Variants in OTUD7A observed in about 807,000 individuals in gnomAD.
OTUD7A encodes OTU domain-containing protein 7A.
Under a neutral mutation model 65.7 loss-of-function variants are expected in OTUD7A, and 12 were observed. The observed-to-expected ratio is 0.18, with a 90% CI of 0.12 to 0.30. The LOEUF is 0.30. OTUD7A is among the 10% of genes least tolerant of loss of function. OTUD7A has a pLI of 1.00. For missense variants in OTUD7A, 1,148 were observed against 1,304.8 expected (o/e 0.88, Z 1.85); for synonymous variants, 641 against 586.3 (o/e 1.09, Z -1.35).
chr15:31,676,857 A>G lies in OTUD7A; in HGVS notation c.-99-19780T>C, dbSNP rs527890268. On this transcript the variant is annotated intron_variant, in intron 1 of 12. Coordinates refer to ENST00000307050, the MANE Select transcript of OTUD7A (RefSeq NM_001382637.1). ...ATTCCCTACATCATATCACTGACCAACAAATTCCACAGGAATTAAATACAC... is the reference window on the plus strand; with the variant it reads ...ATTCCCTACATCATATCACTGACCAGCAAATTCCACAGGAATTAAATACAC... 2.6e-5 allele frequency among the ~76,000 whole-genome samples: 4 copies of G among 152,388 alleles called. No homozygotes were observed. The East Asian group carries it at 7.7e-4, about 29-fold the overall frequency.
At chr15:31,787,386 A>G (rs1241717361) in intron 1 of OTUD7A, 2 of 152,228 alleles carry the variant, frequency 1.3e-5, no homozygotes, top group Non-Finnish European at 2.9e-5. Context: ...GGAGCTAATC[A>G]GCTACGAAAA....
At chr15:31,507,641 C>T (rs140070811) in intron 8 of OTUD7A, among the ~76,000 whole-genome samples, 1 of 12,184 alleles carries the variant, frequency 8.2e-5, no homozygotes, top group Admixed American at 9.7e-4. Flanking sequence ...GGCTGGGGGG[C>T]GGGGGTGGCA....
intron 1 of OTUD7A, among the ~76,000 whole-genome samples, chr15:31,802,956 C>T (rs1896174975): frequency 6.6e-6 from 1 of 152,156 alleles, no homozygotes. Flanking sequence ...CTGAATTCAC[C>T]CAGTCAGGAG....
intron 1 of OTUD7A, among the ~76,000 whole-genome samples, chr15:31,819,735 A>G (rs1243384327): frequency 2.0e-5 from 3 of 151,946 alleles, no homozygotes; most frequent in African/African-American, 7.3e-5. Flanking sequence ...CAGGTAACAT[A>G]AACTAAATAT....
At chr15:31,690,834 G>T (rs116712932) in intron 1 of OTUD7A, among the ~76,000 whole-genome samples, 221 of 152,302 alleles carry the variant, frequency 1.5e-3, no homozygotes, top group African/African-American at 5.1e-3. Flanking sequence ...ACTCATACAG[G>T]AAAATACAGA....
chr15:31,804,646 T>G (rs1405433830), intron 1 of OTUD7A, among the ~76,000 whole-genome samples: 4 of 151,844 alleles, frequency 2.6e-5, no homozygotes, highest in Admixed American at 1.3e-4. Context: ...TGGGGAGGGG[T>G]GGGGCAGGGA....
intron 1 of OTUD7A, among the ~76,000 whole-genome samples, chr15:31,809,227 A>T (rs7174685): frequency 6.6e-6 from 1 of 152,192 alleles, no homozygotes; most frequent in Non-Finnish European, 1.5e-5. Flanking sequence ...CTGTAATAGA[A>T]TCTGGTATCC....
chr15:31,785,526 A>G (rs949784701), intron 1 of OTUD7A, among the ~76,000 whole-genome samples: 1 of 152,096 alleles, frequency 6.6e-6, no homozygotes, highest in Non-Finnish European at 1.5e-5. Flanking sequence ...ACCTTCTCTC[A>G]TTACTGTAGT....
At chr15:31,801,542 T>A (rs1355522473) in intron 1 of OTUD7A, among the ~76,000 whole-genome samples, 2 of 152,238 alleles carry the variant, frequency 1.3e-5, no homozygotes, top group African/African-American at 4.8e-5. Context: ...TCAAAATGCA[T>A]AAAATTGCAT....
At chr15:31,497,109 CCTTAAGTGGGA>C in intron 10 of OTUD7A, among the ~76,000 whole-genome samples, 1 of 152,276 alleles carries the variant, frequency 6.6e-6, no homozygotes, top group South Asian at 2.1e-4. Flanking sequence ...TCTCTAGGTT[CCTTAAGTGGGA>C]CCCTTGGGGG....
intron 3 of OTUD7A, among the ~76,000 whole-genome samples, chr15:31,616,326 G>A (rs960043650): frequency 1.3e-5 from 2 of 152,190 alleles, no homozygotes; most frequent in African/African-American, 4.8e-5. Flanking sequence ...CTTGTCTGGT[G>A]TGTGCGCTTG....
Position 31,483,256 on chromosome 15 carries a change from G to C in OTUD7A, c.*38C>G. 9.4e-7 allele frequency: 1 copy of C among 1,069,308 alleles called. No homozygotes were observed. The highest frequency in any genetic ancestry group is 1.1e-6 in the Non-Finnish European group (1 of 885,756). 66.2% of individuals were successfully genotyped at this position (1,069,308 alleles called of 1,614,324 possible). On this transcript the variant is annotated 3_prime_UTR_variant, in exon 13 of 13. Transcript: ENST00000307050. ...CCGACACAATGGAAAAGAAATCCTC[G>C]AAGGTAGAACCTCGCCGCCCGCGCC... is the stretch of plus-strand genomic sequence containing the variant.
In OTUD7A at chr15:31,805,463, C is replaced by T. The variant is rs78835885; in HGVS notation, c.-100+65044G>A. 3.7e-3 allele frequency among the ~76,000 whole-genome samples: 563 copies of T among 152,350 alleles called. 7 individuals are homozygous for T. The highest frequency in any genetic ancestry group is 0.013 in the African/African-American group (530 of 41,586). ...AGGAAGGGCCTGACGCGTGAACCCT[C>T]TCTTCTATCCACCCCAAAAGATAAC... is the stretch of plus-strand genomic sequence containing the variant. On this transcript the variant is annotated intron_variant, in intron 1 of 12. Coordinates refer to ENST00000307050, the MANE Select transcript of OTUD7A (RefSeq NM_001382637.1).
chr15:31,676,539 T>C (rs1595702470), intron 1 of OTUD7A, among the ~76,000 whole-genome samples: 2 of 152,236 alleles, frequency 1.3e-5, no homozygotes, highest in South Asian at 2.1e-4. Context: ...ATAGAATCCT[T>C]CCACCTTGAA....
chr15:31,611,626 C>A (rs1450827375), intron 3 of OTUD7A, among the ~76,000 whole-genome samples: 2 of 152,010 alleles, frequency 1.3e-5, no homozygotes, highest in Non-Finnish European at 2.9e-5. Flanking sequence ...ATACCCTGAA[C>A]AGACCAATAA....
chr15:31,547,278 C>T (rs540222940), intron 5 of OTUD7A, among the ~76,000 whole-genome samples: 1 of 152,340 alleles, frequency 6.6e-6, no homozygotes, highest in Admixed American at 6.5e-5. Context: ...ACCTTAGATG[C>T]TGACTGAGTC....
chr15:31,685,234 AC>A (rs1892808749), intron 1 of OTUD7A, among the ~76,000 whole-genome samples: 1 of 152,256 alleles, frequency 6.6e-6, no homozygotes, highest in African/African-American at 2.4e-5. Context: ...ATAGCTTATG[AC>A]TTTTACTGCC....
At chr15:31,809,070 G>C (rs545762786) in intron 1 of OTUD7A, among the ~76,000 whole-genome samples, 169 of 152,300 alleles carry the variant, frequency 1.1e-3, no homozygotes, top group Middle Eastern at 3.4e-3. Flanking sequence ...AGAGGAAGCA[G>C]GCATAAGCAC....
At chr15:31,683,137 C>A (rs1223365706) in intron 1 of OTUD7A, among the ~76,000 whole-genome samples, 1 of 152,116 alleles carries the variant, frequency 6.6e-6, no homozygotes, top group African/African-American at 2.4e-5. Context: ...GCTTTCTTAT[C>A]GGCCCATATT....
Sources: gnomAD v4.1 joint callset for allele counts (sites outside exome capture counted in the v4.1 genomes callset) on GRCh38, gnomAD v4.1.1 for gene constraint, MANE v1.5 for transcripts, NCBI Gene and HGNC (gene_info 2026-07-23, HGNC 2026-07-21) for gene names.